Variants in RBMS1 observed in about 807,000 individuals in gnomAD.
RBMS1 encodes RNA binding motif single stranded interacting protein 1.
A neutral mutation model predicts 62.3 loss-of-function variants in RBMS1; 17 were observed. That is an observed-to-expected ratio of 0.27 (90% CI 0.19 to 0.41). The LOEUF (loss-of-function observed/expected upper bound fraction) is 0.41, where lower values mean the gene tolerates loss of function less well. Among genes scored for constraint, RBMS1 ranks in the 10% least tolerant of loss-of-function variants. RBMS1 has a pLI of 1.00. For synonymous variants in RBMS1, 172 were observed against 170.0 expected (o/e 1.01, Z -0.09); for missense variants, 334 against 504.5 (o/e 0.66, Z 3.24).
chr2:160,278,960 C>T (rs775183610), intron 10 of RBMS1: 35 of 220,512 alleles, frequency 1.6e-4, no homozygotes, highest in Non-Finnish European at 2.3e-4. Flanking sequence ...TAACTGGAAG[C>T]AAGCTAGTCC....
chr2:160,396,283 T>C (rs1695134635), intron 1 of RBMS1, among the ~76,000 whole-genome samples: 1 of 152,254 alleles, frequency 6.6e-6, no homozygotes, highest in African/African-American at 2.4e-5. Flanking sequence ...TTGTGGAATC[T>C]GTTTGAAATA....
chr2:160,333,479 C>G (rs1314878953), intron 2 of RBMS1, among the ~76,000 whole-genome samples: 1 of 152,210 alleles, frequency 6.6e-6, no homozygotes, highest in Non-Finnish European at 1.5e-5. Context: ...CTGTTCCAAA[C>G]CACATCCAGA....
intron 1 of RBMS1, among the ~76,000 whole-genome samples, chr2:160,368,730 C>T (rs1693554906): frequency 6.6e-6 from 1 of 152,200 alleles, no homozygotes; most frequent in African/African-American, 2.4e-5. Flanking sequence ...CCCTCCACCT[C>T]CCGGTTTCCA....
rs373264907 is a variant in RBMS1 at position 160,275,579 on chromosome 2, T to C, written c.*7+51A>G. 187 of 1,595,446 alleles carry C rather than the reference T, an allele frequency of 1.2e-4. No individual in the cohort carries two copies. In the African/African-American group the frequency reaches 1.3e-3, roughly 11 times the overall value. ...CATTCTGATTTTAAAAAAAGCCCTATAGATTGTGCTTGATTTGAGCCCCCC... is the reference window on the plus strand; with the variant it reads ...CATTCTGATTTTAAAAAAAGCCCTACAGATTGTGCTTGATTTGAGCCCCCC... On this transcript the variant is annotated intron_variant, in intron 13 of 13. Coordinates refer to ENST00000348849, the MANE Select transcript of RBMS1 (RefSeq NM_016836.4).
Position 160,476,208 on chromosome 2 carries a change from A to G in RBMS1, c.75+17081T>C, listed in dbSNP as rs181578025. 6.6e-5 allele frequency among the ~76,000 whole-genome samples: 10 copies of G among 152,274 alleles called. No individual in the cohort carries two copies. The East Asian group carries it at 1.5e-3, about 24-fold the overall frequency. On this transcript the variant is annotated intron_variant, in intron 1 of 13. Coordinates refer to ENST00000348849, the MANE Select transcript of RBMS1 (RefSeq NM_016836.4). ...ATATTCATGATATTTAACTTAAGAT[A>G]GTCATTGAATACTTGGTTTTTTGCA...
chr2:160,278,204 C>T (rs1687932121), intron 11 of RBMS1: 1 of 259,998 alleles, frequency 3.8e-6, no homozygotes, highest in African/African-American at 2.3e-5. Context: ...GAAATAATTC[C>T]CTGCTTTTAC....
chr2:160,399,669 G>T (rs531963126), intron 1 of RBMS1, among the ~76,000 whole-genome samples: 123 of 152,202 alleles, frequency 8.1e-4, no homozygotes, highest in Non-Finnish European at 1.3e-3. Flanking sequence ...ATAAAACTGA[G>T]AATACAAAAT....
rs1228535037 is a variant in RBMS1, at chr2:160,463,721, G to T, written c.75+29568C>A. Among the ~76,000 whole-genome samples the T allele has an allele frequency of 2.0e-5, 3 of 152,268 alleles. No individual in the cohort carries two copies. In the East Asian group the frequency reaches 5.8e-4, roughly 29 times the overall value. Reference sequence around the variant, plus strand: ...AATCGCTTGAACCCAGGAGGCAGAGGTTGCAGTGAGCTGAGATTGCACCAT... The same window carrying T: ...AATCGCTTGAACCCAGGAGGCAGAGTTTGCAGTGAGCTGAGATTGCACCAT... On this transcript the variant is annotated intron_variant, in intron 1 of 13. Transcript: ENST00000348849.
chr2:160,317,690 T>G lies in RBMS1; in HGVS notation c.310+479A>C, dbSNP rs1184653435. Reference sequence around the variant, plus strand: ...CTGCTGCCAATATTGTCAACAGGCATTCAGCAGAGAACAATTGGGAGTACT... The same window carrying G: ...CTGCTGCCAATATTGTCAACAGGCAGTCAGCAGAGAACAATTGGGAGTACT... On this transcript the variant is annotated intron_variant, in intron 3 of 13. Coordinates refer to ENST00000348849, the MANE Select transcript of RBMS1 (RefSeq NM_016836.4). Among the ~76,000 whole-genome samples, 3 of 152,306 alleles carry G rather than the reference T, an allele frequency of 2.0e-5. No individual in the cohort carries two copies. The East Asian group carries it at 5.8e-4, about 29-fold the overall frequency.
chr2:160,386,912 G>A (rs1694610777), intron 1 of RBMS1, among the ~76,000 whole-genome samples: 1 of 152,186 alleles, frequency 6.6e-6, no homozygotes, highest in South Asian at 2.1e-4. Flanking sequence ...AGGATTTTAT[G>A]ATTATTTATT....
intron 1 of RBMS1, among the ~76,000 whole-genome samples, chr2:160,442,176 T>G (rs1683435818): frequency 6.6e-6 from 1 of 152,254 alleles, no homozygotes; most frequent in Non-Finnish European, 1.5e-5. Context: ...TATCAATTTT[T>G]TGTTTATGAT....
intron 2 of RBMS1, among the ~76,000 whole-genome samples, chr2:160,335,519 G>A (rs982381159): frequency 1.3e-5 from 2 of 152,174 alleles, no homozygotes; most frequent in South Asian, 2.1e-4. Context: ...AGACCAACTC[G>A]TTCCTGCTCT....
At chr2:160,405,183 G>A (rs1695634690) in intron 1 of RBMS1, among the ~76,000 whole-genome samples, 1 of 152,072 alleles carries the variant, frequency 6.6e-6, no homozygotes. Flanking sequence ...TACTATGTAT[G>A]TATAATGCAA....
intron 1 of RBMS1, among the ~76,000 whole-genome samples, chr2:160,397,613 C>A (rs548003125): frequency 6.6e-6 from 1 of 152,104 alleles, no homozygotes; most frequent in African/African-American, 2.4e-5. Context: ...TAAAGACACA[C>A]CCTCTTCATT....
chr2:160,452,631 G>A (rs944179584), intron 1 of RBMS1, among the ~76,000 whole-genome samples: 6 of 152,198 alleles, frequency 3.9e-5, no homozygotes, highest in African/African-American at 7.2e-5. Context: ...CTTCCAAGGT[G>A]TGCACTTTTA....
chr2:160,439,581 A>G (rs1253085407), intron 1 of RBMS1, among the ~76,000 whole-genome samples: 5 of 148,556 alleles, frequency 3.4e-5, no homozygotes, highest in Middle Eastern at 3.6e-3. Flanking sequence ...CTGGGCAGCC[A>G]GGCAGAGGGG....
At chr2:160,310,822 T>G (rs985253635) in intron 4 of RBMS1, among the ~76,000 whole-genome samples, 3 of 152,060 alleles carry the variant, frequency 2.0e-5, no homozygotes, top group African/African-American at 7.3e-5. Flanking sequence ...ATAAACATAT[T>G]TAAAACCTCA....
intron 2 of RBMS1, among the ~76,000 whole-genome samples, chr2:160,357,810 G>T (rs1206113915): frequency 6.6e-6 from 1 of 152,108 alleles, no homozygotes; most frequent in Non-Finnish European, 1.5e-5. Flanking sequence ...AAGACAAACC[G>T]ACTGACAGTT....
intron 1 of RBMS1, among the ~76,000 whole-genome samples, chr2:160,383,204 G>A (rs1270904502): frequency 3.9e-5 from 6 of 152,140 alleles, no homozygotes; most frequent in Non-Finnish European, 1.5e-5. Flanking sequence ...AAAGCTGTAA[G>A]GGAGAAGCCT....
Sources: gnomAD v4.1 joint callset for allele counts (sites outside exome capture counted in the v4.1 genomes callset) on GRCh38, gnomAD v4.1.1 for gene constraint, MANE v1.5 for transcripts, NCBI Gene and HGNC (gene_info 2026-07-23, HGNC 2026-07-21) for gene names.